The following CAMK4 variants were observed in gnomAD, a reference collection of about 807,000 sequenced individuals.
The protein encoded by CAMK4 is calcium/calmodulin dependent protein kinase IV.
A neutral mutation model predicts 44.9 loss-of-function variants in CAMK4; 22 were observed. That is an observed-to-expected ratio of 0.49 (90% CI 0.35 to 0.70). CAMK4 has a LOEUF of 0.70. CAMK4 is among the 30% of genes least tolerant of loss of function. The pLI, the probability that CAMK4 is intolerant of heterozygous loss-of-function variation, is 0.01. For synonymous variants in CAMK4, 218 were observed against 215.4 expected (o/e 1.01, Z -0.11); for missense variants, 498 against 586.8 (o/e 0.85, Z 1.56).
At chr5:111,402,170 C>T (rs769959675) in intron 5 of CAMK4, among the ~76,000 whole-genome samples, 3 of 152,242 alleles carry the variant, frequency 2.0e-5, no homozygotes, top group Non-Finnish European at 4.4e-5. Context: ...CTGCCACTCT[C>T]TCTCCCTCAT....
chr5:111,464,227 G>T (rs1754744800), intron 7 of CAMK4, among the ~76,000 whole-genome samples: 1 of 130,938 alleles, frequency 7.6e-6, no homozygotes, highest in Non-Finnish European at 1.8e-5. Context: ...TGAACAAGCA[G>T]AAGAAAGAGC....
intron 2 of CAMK4, among the ~76,000 whole-genome samples, chr5:111,344,945 A>G (rs1749806751): frequency 6.6e-6 from 1 of 151,898 alleles, no homozygotes; most frequent in Non-Finnish European, 1.5e-5. Context: ...TAACACATTC[A>G]TTTTCAAATT....
chr5:111,470,389 G>A (rs1188803948), intron 7 of CAMK4, among the ~76,000 whole-genome samples: 1 of 152,196 alleles, frequency 6.6e-6, no homozygotes, highest in African/African-American at 2.4e-5. Context: ...CTTAAAGGGT[G>A]CATCTTGCTG....
rs575664133 is a variant in CAMK4 at position 111,449,276 on chromosome 5, T to A, written c.625+73T>A. 21 of 671,360 alleles carry A rather than the reference T, an allele frequency of 3.1e-5. No individual in the cohort carries two copies. The East Asian group carries it at 4.2e-4, about 13-fold the overall frequency. The allele number at this position is 671,360 out of a possible 1,614,324, so 41.6% of individuals were successfully genotyped here. Reference sequence around the variant, plus strand: ...TATTTTTGTTTAGCAATCTCATTTTTAAAAATTCCTAATATTTCTATTTAT... The same window carrying A: ...TATTTTTGTTTAGCAATCTCATTTTAAAAAATTCCTAATATTTCTATTTAT... On this transcript the variant is annotated intron_variant, in intron 7 of 10. Coordinates refer to ENST00000282356, the MANE Select transcript of CAMK4 (RefSeq NM_001744.6).
chr5:111,440,152 A>G (rs1753775435), intron 5 of CAMK4, among the ~76,000 whole-genome samples: 1 of 152,106 alleles, frequency 6.6e-6, no homozygotes, highest in Non-Finnish European at 1.5e-5. Flanking sequence ...TCTAGAGCAT[A>G]CTAATGTGAT....
rs992107934 is a variant in CAMK4 at position 111,406,515 on chromosome 5, T to C, written c.459+11733T>C. Among the ~76,000 whole-genome samples the C allele has an allele frequency of 2.2e-5, 3 of 135,956 alleles. No individual in the cohort carries two copies. In the Admixed American group the frequency reaches 2.2e-4, roughly 10 times the overall value. The allele number at this position is 135,956 out of a possible 152,430, so 89.2% of individuals were successfully genotyped here. On this transcript the variant is annotated intron_variant, in intron 5 of 10. Transcript: ENST00000282356. ...CTGGGATTACAGGTGTGAGCCTCCG[T>C]ACCTGGCCAATTTTTTTCTTTTTAC...
At chr5:111,349,629 A>C (rs1750009718) in intron 2 of CAMK4, among the ~76,000 whole-genome samples, 2 of 152,024 alleles carry the variant, frequency 1.3e-5, no homozygotes, top group Admixed American at 1.3e-4. Context: ...CAGCTTTTGA[A>C]GAATGACATC....
At chr5:111,278,138 A>G in intron 1 of CAMK4, among the ~76,000 whole-genome samples, 1 of 152,238 alleles carries the variant, frequency 6.6e-6, no homozygotes, top group East Asian at 1.9e-4. Flanking sequence ...TGAGATTATA[A>G]TGTCCATAAA....
At chr5:111,429,270 C>A (rs1022458306) in intron 5 of CAMK4, among the ~76,000 whole-genome samples, 2 of 151,820 alleles carry the variant, frequency 1.3e-5, no homozygotes, top group African/African-American at 4.8e-5. Context: ...GAGAGAAGAT[C>A]CAAATAAATA....
chr5:111,399,529 C>T (rs1283428379), intron 5 of CAMK4, among the ~76,000 whole-genome samples: 3 of 152,082 alleles, frequency 2.0e-5, no homozygotes, highest in Non-Finnish European at 4.4e-5. Flanking sequence ...ATATTCCCAG[C>T]GTCCAAAACA....
intron 3 of CAMK4, among the ~76,000 whole-genome samples, chr5:111,376,044 A>G (rs977064271): frequency 8.5e-5 from 13 of 152,100 alleles, no homozygotes; most frequent in East Asian, 1.9e-4. Flanking sequence ...AAGACCATTC[A>G]TGATCCACAA....
intron 1 of CAMK4, among the ~76,000 whole-genome samples, chr5:111,261,916 C>T (rs889314486): frequency 6.6e-6 from 1 of 152,018 alleles, no homozygotes; most frequent in African/African-American, 2.4e-5. Flanking sequence ...TGTCCAGAGG[C>T]AAAACTTGTG....
At chr5:111,413,867 A>G (rs1272368344) in intron 5 of CAMK4, among the ~76,000 whole-genome samples, 2 of 152,042 alleles carry the variant, frequency 1.3e-5, no homozygotes, top group African/African-American at 2.4e-5. Flanking sequence ...TAACCCAAAA[A>G]GTTCATAAAA....
chr5:111,341,199 A>C (rs1580619222), intron 1 of CAMK4, among the ~76,000 whole-genome samples: 1 of 151,320 alleles, frequency 6.6e-6, no homozygotes, highest in Admixed American at 6.6e-5. Context: ...AGACATTCTT[A>C]AGTGAAGTTC....
Position 111,484,733 on chromosome 5 carries a change from T to C in CAMK4, c.*267T>C. On this transcript the variant is annotated 3_prime_UTR_variant, in exon 11 of 11. Coordinates refer to ENST00000282356, the MANE Select transcript of CAMK4 (RefSeq NM_001744.6). This position sits in a 1 kb window ranked among gnomAD's most constrained non-coding sequence, Gnocchi z 5.3. ...ACAACGTAACACTTAAAAGCATACA[T>C]TTTCAGCAACCAGTGGCACATATTT... The C allele has an allele frequency of 3.3e-6, 1 of 300,688 alleles. No individual in the cohort carries two copies. Among genetic ancestry groups the C allele is most frequent in the Non-Finnish European group, 6.1e-6 (1 of 164,870 alleles). 18.6% of individuals were successfully genotyped at this position (300,688 alleles called of 1,614,324 possible).
chr5:111,449,168 T>G lies in CAMK4; in HGVS notation c.590T>G (p.Leu197Arg). ...TCTAAAATTGTGGAACATCAAGTGCTCATGAAGACAGTATGTGGAACCCCA... is the reference window on the plus strand; with the variant it reads ...TCTAAAATTGTGGAACATCAAGTGCGCATGAAGACAGTATGTGGAACCCCA... Reference protein sequence around the residue: ...GLSKIVEHQVLMKTVCGTPGY... With the variant: ...GLSKIVEHQVRMKTVCGTPGY... The change falls in exon 7 of 11, where the codon CTC (leucine) becomes CGC (arginine). Residue 197 changes from leucine to arginine, a missense_variant. This residue lies in a region of CAMK4 where 203 missense variants were observed against 298.2 expected (regional missense o/e 0.68). Coordinates refer to ENST00000282356, the MANE Select transcript of CAMK4 (RefSeq NM_001744.6). 1 of 1,583,188 alleles carries G rather than the reference T, an allele frequency of 6.3e-7. No individual in the cohort carries two copies. Among genetic ancestry groups the G allele is most frequent in the Non-Finnish European group, 8.7e-7 (1 of 1,154,200 alleles).
intron 10 of CAMK4, among the ~76,000 whole-genome samples, chr5:111,483,479 A>G (rs1755501613): frequency 6.6e-6 from 1 of 152,226 alleles, no homozygotes; most frequent in Non-Finnish European, 1.5e-5. Flanking sequence ...ATGTAAGTAG[A>G]GGATCTCAGA....
At chr5:111,234,565 T>G (rs1748629335) in intron 1 of CAMK4, among the ~76,000 whole-genome samples, 1 of 152,234 alleles carries the variant, frequency 6.6e-6, no homozygotes, top group Non-Finnish European at 1.5e-5. Context: ...TTTTGCCAAC[T>G]GCTGGCTTAG....
chr5:111,311,979 T>G lies in CAMK4; in HGVS notation c.162-32045T>G, dbSNP rs371001333. The stretch of plus-strand genomic sequence containing the variant: ...ACCAGATTAAAAGTTACATCATATT[T>G]TAGAAAAGTCAAAGATCTAAAAATA... On this transcript the variant is annotated intron_variant, in intron 1 of 10. Coordinates refer to ENST00000282356, the MANE Select transcript of CAMK4 (RefSeq NM_001744.6). Among the ~76,000 whole-genome samples the G allele has an allele frequency of 4.9e-4, 75 of 152,310 alleles. No homozygotes were observed. The South Asian group carries it at 0.015, about 31-fold the overall frequency.
Sources: gnomAD v4.1 joint callset for allele counts (sites outside exome capture counted in the v4.1 genomes callset) on GRCh38, gnomAD v4.1.1 for gene constraint, gnomAD v4.1.1 regional missense constraint, Gnocchi (gnomAD v3.1) non-coding constraint, MANE v1.5 for transcripts, NCBI Gene and HGNC (gene_info 2026-07-23, HGNC 2026-07-21) for gene names.